The following ELAVL2 variants were observed in gnomAD, a reference collection of about 807,000 sequenced individuals.
The protein encoded by ELAVL2 is ELAV-like protein 2.
Under a neutral mutation model 34.6 loss-of-function variants are expected in ELAVL2, and 4 were observed. The observed-to-expected ratio is 0.12, with a 90% confidence interval of 0.06 to 0.26. The LOEUF is 0.26. ELAVL2 is among the 10% of genes least tolerant of loss of function. The pLI is 1.00. For missense variants in ELAVL2, 432 were observed against 442.8 expected (o/e 0.98, Z 0.22); for synonymous variants, 193 against 154.8 (o/e 1.25, Z -1.83).
rs767994153 is a variant in ELAVL2 at position 23,762,298 on chromosome 9, A to G, written c.-15-49T>C. The G allele has an allele frequency of 1.4e-5, 22 of 1,583,264 alleles. 1 individual carries two copies. In the African/African-American group the frequency reaches 1.5e-4, roughly 11 times the overall value. ...TGTCAGAATTCATATTTCACAACCT[A>G]TTAGAGACTCCATCCAAGAATTTAA... On this transcript the variant is annotated intron_variant, in intron 1 of 6. Transcript: ENST00000397312.
At chr9:23,821,746 CCCCGCCCCA>C (rs2064793352) in intron 1 of ELAVL2, 1 of 149,406 alleles carries the variant, frequency 6.7e-6, no homozygotes, top group Admixed American at 6.7e-5. Flanking sequence ...CCGGCGGAAC[CCCCGCCCCA>C]CCCGCGCCGC....
At chr9:23,696,359 C>T (rs181736999) in intron 5 of ELAVL2, among the ~76,000 whole-genome samples, 1 of 152,342 alleles carries the variant, frequency 6.6e-6, no homozygotes, top group East Asian at 1.9e-4. Flanking sequence ...AACTGTAACA[C>T]AGGCAGTTGT....
chr9:23,782,054 C>G (rs2059139248), intron 1 of ELAVL2, among the ~76,000 whole-genome samples: 1 of 152,098 alleles, frequency 6.6e-6, no homozygotes, highest in Admixed American at 6.5e-5. Context: ...CTCCTAGGTT[C>G]AAAGGATCCT....
In ELAVL2 at chr9:23,692,436, T is replaced by C; in HGVS notation, c.*121A>G. ...CTCACATATTTCTTAGGATGCTAAG[T>C]AGTCATTTTATCCCCATCTCAACAC... On this transcript the variant is annotated 3_prime_UTR_variant, in exon 7 of 7. Coordinates refer to ENST00000397312, the MANE Select transcript of ELAVL2 (RefSeq NM_004432.5). 1 of 970,746 alleles carries C rather than the reference T, an allele frequency of 1.0e-6. No homozygotes were observed. Among genetic ancestry groups the C allele is most frequent in the African/African-American group, 1.6e-5 (1 of 60,664 alleles). 60.1% of individuals were successfully genotyped at this position (970,746 alleles called of 1,614,324 possible).
intron 1 of ELAVL2, among the ~76,000 whole-genome samples, chr9:23,780,062 A>G (rs898844830): frequency 2.1e-5 from 3 of 140,938 alleles, no homozygotes; most frequent in Non-Finnish European, 4.6e-5. Context: ...TCCAATCTCT[A>G]TTGCAAAGTA....
At chr9:23,826,340 AT>A (rs1420331901), upstream of ELAVL2, 2 of 152,460 alleles carry the variant, frequency 1.3e-5, no homozygotes, top group African/African-American at 4.8e-5. Context: ...CCAGGCTCCT[AT>A]CCCGGGCAGC....
intron 3 of ELAVL2, among the ~76,000 whole-genome samples, chr9:23,724,813 G>T (rs1185649066): frequency 2.0e-5 from 3 of 152,002 alleles, no homozygotes; most frequent in Non-Finnish European, 4.4e-5. Flanking sequence ...TTTTTAAAAG[G>T]CAGAGGAACA....
chr9:23,805,033 G>A (rs535113710), intron 1 of ELAVL2, among the ~76,000 whole-genome samples: 2 of 152,122 alleles, frequency 1.3e-5, no homozygotes, highest in Non-Finnish European at 2.9e-5. Flanking sequence ...TAAATGCTGG[G>A]AAAGTCAGCT....
chr9:23,846,150 C>T, the ELAVL2 span, among the ~76,000 whole-genome samples: 1 of 151,770 alleles, frequency 6.6e-6, no homozygotes, highest in Non-Finnish European at 1.5e-5. Context: ...GTTTTCTCTG[C>T]ATTTATTAGA....
chr9:23,813,507 C>T (rs1176547830), intron 1 of ELAVL2, among the ~76,000 whole-genome samples: 2 of 151,410 alleles, frequency 1.3e-5, no homozygotes, highest in Admixed American at 1.3e-4. Flanking sequence ...CCACAGGCCT[C>T]TTTTAAACAG....
intron 2 of ELAVL2, among the ~76,000 whole-genome samples, chr9:23,753,513 T>G (rs190198451): frequency 1.7e-4 from 26 of 152,310 alleles, no homozygotes; most frequent in Non-Finnish European, 3.2e-4. Flanking sequence ...AGGTTGATTT[T>G]GTACTACATC....
rs561441633 is a variant in ELAVL2 at position 23,700,014 on chromosome 9, T to G, written c.713+1365A>C. 1.2e-4 allele frequency among the ~76,000 whole-genome samples: 19 copies of G among 152,080 alleles called. No individual in the cohort carries two copies. In the South Asian group the frequency reaches 3.9e-3, roughly 32 times the overall value. On this transcript the variant is annotated intron_variant, in intron 5 of 6. Transcript: ENST00000397312. ...TATCTCAAGCAACATAATTTAGTAT[T>G]TTTTTAAAAGGAGCTATTTTTAACT...
chr9:23,706,252 T>C (rs537436469), intron 3 of ELAVL2, among the ~76,000 whole-genome samples: 78 of 152,356 alleles, frequency 5.1e-4, no homozygotes, highest in Non-Finnish European at 5.7e-4. Flanking sequence ...TGCATGTATT[T>C]GTTTATAATC....
intron 5 of ELAVL2, among the ~76,000 whole-genome samples, chr9:23,694,025 G>A (rs1382760364): frequency 6.6e-6 from 1 of 152,116 alleles, no homozygotes; most frequent in Admixed American, 6.5e-5. Context: ...AATCAAGGAG[G>A]TATAATTACA....
At chr9:23,814,329 G>C (rs77863078) in intron 1 of ELAVL2, among the ~76,000 whole-genome samples, 2,461 of 152,218 alleles carry the variant, frequency 0.016, 33 homozygotes, top group Non-Finnish European at 0.027. Flanking sequence ...AAAATAAAGG[G>C]ACAAGTGAGC....
chr9:23,787,931 G>A lies in ELAVL2; in HGVS notation c.-15-25682C>T, dbSNP rs563564166. ...ACAGAAGTTCAAAAACAGTGGAGGTGCTGAGGCAGAGCTGATCCAGACTAA... is the reference window on the plus strand; with the variant it reads ...ACAGAAGTTCAAAAACAGTGGAGGTACTGAGGCAGAGCTGATCCAGACTAA... On this transcript the variant is annotated intron_variant, in intron 1 of 6. Transcript: ENST00000397312. Among the ~76,000 whole-genome samples the A allele has an allele frequency of 1.8e-4, 27 of 152,296 alleles. No individual in the cohort carries two copies. In the South Asian group the frequency reaches 5.6e-3, roughly 32 times the overall value.
At chr9:23,732,197 G>A (rs565299142) in intron 2 of ELAVL2, among the ~76,000 whole-genome samples, 1 of 152,146 alleles carries the variant, frequency 6.6e-6, no homozygotes, top group Non-Finnish European at 1.5e-5. Context: ...AGGGAAGTGA[G>A]GTATTTTTTC....
At chr9:23,804,786 C>A (rs1017947583) in intron 1 of ELAVL2, among the ~76,000 whole-genome samples, 2 of 152,210 alleles carry the variant, frequency 1.3e-5, no homozygotes, top group African/African-American at 4.8e-5. Flanking sequence ...AAAGGCAAGT[C>A]GGGAACCAGC....
chr9:23,835,873 T>A, the ELAVL2 span, among the ~76,000 whole-genome samples: 11 of 152,224 alleles, frequency 7.2e-5, no homozygotes, highest in African/African-American at 2.7e-4. Context: ...AATGTTTTTA[T>A]TTCAAGCTTC....
Sources: gnomAD v4.1 joint callset for allele counts (sites outside exome capture counted in the v4.1 genomes callset) on GRCh38, gnomAD v4.1.1 for gene constraint, MANE v1.5 for transcripts, NCBI Gene and HGNC (gene_info 2026-07-23, HGNC 2026-07-21) for gene names.